The following SYT1 variants were observed in gnomAD, a reference collection of about 807,000 sequenced individuals.
SYT1 encodes the protein synaptotagmin-1.
In SYT1, 8 loss-of-function variants were observed where a neutral mutation model predicts 44.8. The observed-to-expected ratio is 0.18, with a 90% CI of 0.10 to 0.32. SYT1 has a LOEUF of 0.32. Ranked by LOEUF, SYT1 falls within the 10% of genes least tolerant of loss-of-function variation. The pLI is 1.00. For synonymous variants in SYT1, 154 were observed against 188.8 expected (o/e 0.82, Z 1.51); for missense variants, 286 against 509.3 (o/e 0.56, Z 4.22).
At chr12:79,297,680 T>C (rs2138872081) in intron 7 of SYT1, among the ~76,000 whole-genome samples, 1 of 152,280 alleles carries the variant, frequency 6.6e-6, no homozygotes, top group Non-Finnish European at 1.5e-5. Context: ...AAATCCAAAG[T>C]ATAATATATT....
At chr12:78,997,638 C>T (rs1377247654) in intron 2 of SYT1, among the ~76,000 whole-genome samples, 1 of 151,800 alleles carries the variant, frequency 6.6e-6, no homozygotes, top group Non-Finnish European at 1.5e-5. Context: ...ATGTATCTTT[C>T]CCCTTTCTTT....
rs192076387 is a variant in SYT1 at position 79,067,086 on chromosome 12, A to G, written c.-18+19724A>G. Among the ~76,000 whole-genome samples, 308 of 152,300 alleles carry G rather than the reference A, an allele frequency of 2.0e-3. 1 individual carries two copies. Among genetic ancestry groups the G allele is most frequent in the African/African-American group, 7.2e-3 (298 of 41,582 alleles). ...ATGATGGGAAAACCTTCCTGCCACAACAAGCCAGTTGGCTTGTCCCACTGT... is the reference window on the plus strand; with the variant it reads ...ATGATGGGAAAACCTTCCTGCCACAGCAAGCCAGTTGGCTTGTCCCACTGT... On this transcript the variant is annotated intron_variant, in intron 3 of 10. Coordinates refer to ENST00000261205, the MANE Select transcript of SYT1 (RefSeq NM_005639.3).
chr12:78,981,125 G>GTTTT (rs1171068435), intron 2 of SYT1, among the ~76,000 whole-genome samples: 8 of 122,690 alleles, frequency 6.5e-5, no homozygotes, highest in African/African-American at 9.3e-5. Flanking sequence ...TTGTTTCTTT[G>GTTTT]TTTTTTTTTT....
intron 2 of SYT1, among the ~76,000 whole-genome samples, chr12:79,008,237 G>A (rs1871212448): frequency 6.6e-6 from 1 of 151,986 alleles, no homozygotes; most frequent in African/African-American, 2.4e-5. Context: ...CCAAGCAGAG[G>A]ATTCAGCATG....
intron 2 of SYT1, among the ~76,000 whole-genome samples, chr12:79,027,310 C>G (rs760944777): frequency 6.6e-6 from 1 of 151,458 alleles, no homozygotes; most frequent in Non-Finnish European, 1.5e-5. Flanking sequence ...TAAGCTTTAC[C>G]TGCCTATATT....
intron 9 of SYT1, among the ~76,000 whole-genome samples, chr12:79,427,083 T>C (rs1015928324): frequency 2.6e-5 from 4 of 152,236 alleles, no homozygotes; most frequent in Non-Finnish European, 5.9e-5. Context: ...CTTTCCTTTA[T>C]AAATTACCCA....
chr12:78,952,385 G>T (rs1422131781), intron 1 of SYT1, among the ~76,000 whole-genome samples: 1 of 152,078 alleles, frequency 6.6e-6, no homozygotes, highest in Admixed American at 6.6e-5. Context: ...TCTGCTCATT[G>T]TCAATTGTGC....
intron 8 of SYT1, among the ~76,000 whole-genome samples, chr12:79,352,191 C>T (rs1286955969): frequency 1.3e-5 from 2 of 150,560 alleles, no homozygotes; most frequent in Non-Finnish European, 1.5e-5. Flanking sequence ...AATACACCCC[C>T]CCCCCAAAAA....
intron 2 of SYT1, among the ~76,000 whole-genome samples, chr12:78,999,867 C>T (rs1401830294): frequency 6.6e-6 from 1 of 152,150 alleles, no homozygotes. Flanking sequence ...AATCACTACA[C>T]ATTTTAAATA....
At chr12:79,319,079 T>G (rs1881233172) in intron 8 of SYT1, among the ~76,000 whole-genome samples, 1 of 152,180 alleles carries the variant, frequency 6.6e-6, no homozygotes, top group Non-Finnish European at 1.5e-5. Context: ...TGATGTTCTG[T>G]TTATGTTGAA....
chr12:79,071,852 T>C (rs1876301504), intron 3 of SYT1, among the ~76,000 whole-genome samples: 1 of 152,160 alleles, frequency 6.6e-6, no homozygotes, highest in Admixed American at 6.6e-5. Flanking sequence ...TAATTACATC[T>C]GCAAAGACCC....
At chr12:79,382,625 A>G (rs987456350) in intron 9 of SYT1, among the ~76,000 whole-genome samples, 1 of 152,214 alleles carries the variant, frequency 6.6e-6, no homozygotes, top group African/African-American at 2.4e-5. Flanking sequence ...CAAAAATGCG[A>G]TAGTGTACAC....
At chr12:79,260,082 A>C (rs538824158) in intron 4 of SYT1, among the ~76,000 whole-genome samples, 1 of 152,166 alleles carries the variant, frequency 6.6e-6, no homozygotes, top group Non-Finnish European at 1.5e-5. Context: ...GAAACTGGAG[A>C]GTATTGTATT....
rs553905889 is a variant in SYT1 at position 79,266,346 on chromosome 12, T to A, written c.167-19441T>A. Among the ~76,000 whole-genome samples, 3 of 152,224 alleles carry A rather than the reference T, an allele frequency of 2.0e-5. No individual in the cohort carries two copies. In the East Asian group the frequency reaches 5.8e-4, roughly 29 times the overall value. Reference sequence around the variant, plus strand: ...TGTGAAACAAAATAAAGGGCTTATATATGGTATTACTCAGGTAGACATTTG... The same window carrying A: ...TGTGAAACAAAATAAAGGGCTTATAAATGGTATTACTCAGGTAGACATTTG... On this transcript the variant is annotated intron_variant, in intron 4 of 10. Transcript: ENST00000261205.
At chr12:78,876,828 ATGTATT>A (rs1280267348) in intron 1 of SYT1, among the ~76,000 whole-genome samples, 98 of 57,150 alleles carry the variant, frequency 1.7e-3, no homozygotes, top group African/African-American at 7.3e-3. Flanking sequence ...CATATATTAT[ATGTATT>A]ATATATAATA....
rs545577376 is a variant in SYT1 at position 78,968,254 on chromosome 12, A to G, written c.-216-9545A>G. On this transcript the variant is annotated intron_variant, in intron 1 of 10. Transcript: ENST00000261205. ...ATGTAGCAAGAATTCTTAACCCAAA[A>G]TCACGGATTAGGAGTCTATTAGGTT... Among the ~76,000 whole-genome samples, 7 of 152,234 alleles carry G rather than the reference A, an allele frequency of 4.6e-5. No individual in the cohort carries two copies. In the East Asian group the frequency reaches 1.4e-3, roughly 29 times the overall value.
intron 8 of SYT1, among the ~76,000 whole-genome samples, chr12:79,312,471 C>A (rs192610932): frequency 6.6e-6 from 1 of 152,148 alleles, no homozygotes; most frequent in African/African-American, 2.4e-5. Flanking sequence ...TCTAGTCCCA[C>A]TCCCCCACAC....
chr12:79,086,221 T>A (rs559013000), intron 3 of SYT1, among the ~76,000 whole-genome samples: 1 of 152,086 alleles, frequency 6.6e-6, no homozygotes, highest in African/African-American at 2.4e-5. Context: ...ATCAAATACA[T>A]GAGAAAAACC....
chr12:79,025,361 CTTG>C (rs1872461893), intron 2 of SYT1, among the ~76,000 whole-genome samples: 1 of 151,670 alleles, frequency 6.6e-6, no homozygotes, highest in South Asian at 2.1e-4. Flanking sequence ...ATGACATTTG[CTTG>C]TTGAGCTTTA....
Sources: allele counts gnomAD v4.1 joint callset (sites outside exome capture counted in the v4.1 genomes callset), GRCh38; gene constraint gnomAD v4.1.1; transcripts MANE v1.5; gene names NCBI Gene and HGNC (gene_info 2026-07-23, HGNC 2026-07-21).